Variants in GRAMD1A observed in about 807,000 individuals in gnomAD.
GRAMD1A encodes the protein protein Aster-A.
A neutral mutation model predicts 92.0 loss-of-function variants in GRAMD1A; 50 were observed. The ratio of observed to expected loss-of-function variants is 0.54; its 90% CI spans 0.43 to 0.69. GRAMD1A has a LOEUF of 0.69. GRAMD1A is among the 30% of genes least tolerant of loss of function. The pLI, the probability that GRAMD1A is intolerant of heterozygous loss-of-function variation, is 0.00. For synonymous variants in GRAMD1A, 405 were observed against 403.6 expected, an observed-to-expected ratio of 1.00 and a Z score of -0.04; for missense variants, 819 against 978.9, an observed-to-expected ratio of 0.84 and a Z score of 2.18.
Position 35,009,881 on chromosome 19 carries a change from TC to T in GRAMD1A, c.241-5del. ...CATCCAGGTTCTCACCTCTCAAACT[TC>T]CTCAGATGCTGAGCCCCACTTATAA... On this transcript the variant is annotated splice_region_variant and splice_polypyrimidine_tract_variant and intron_variant, in intron 3 of 19. Coordinates refer to ENST00000317991, the MANE Select transcript of GRAMD1A (RefSeq NM_020895.5). 1.9e-6 allele frequency: 3 copies of T among 1,587,660 alleles called. No homozygotes were observed. The highest frequency in any genetic ancestry group is 2.6e-6 in the Non-Finnish European group (3 of 1,155,946).
In GRAMD1A at chr19:35,021,826, A is replaced by G; in HGVS notation, c.1715A>G (p.Asp572Gly). 6.2e-7 allele frequency: 1 copy of G among 1,606,824 alleles called. No homozygotes were observed. The highest frequency in any genetic ancestry group is 2.2e-5 in the East Asian group (1 of 44,748). ...CACGGGGACGGGCCCCAGCACCCAG[A>G]TCCTGACCCCTGTGCCCGGGCCGGC... is the stretch of plus-strand genomic sequence containing the variant. ...RAHGDGPQHPDPDPCARAGIH... is the reference protein window; with the variant it reads ...RAHGDGPQHPGPDPCARAGIH... Residue 572 changes from aspartate (D) to glycine (G), a missense_variant, in exon 15 of 20, where the codon GAT becomes GGT. Asp to Gly is a moderately conservative substitution (Grantham distance 94). Coordinates refer to ENST00000317991, the MANE Select transcript of GRAMD1A (RefSeq NM_020895.5). The surrounding 1 kb of genome is among the most constrained non-coding windows in gnomAD (Gnocchi z 5.3).
chr19:35,012,327 T>TG (rs781754688), intron 7 of GRAMD1A, among the ~76,000 whole-genome samples: 2 of 152,176 alleles, frequency 1.3e-5, no homozygotes, highest in Admixed American at 6.5e-5. Context: ...AAAAGGATGA[T>TG]GAGGTTAGCA....
chr19:35,001,717 C>T (rs1299743717), intron 1 of GRAMD1A, among the ~76,000 whole-genome samples: 1 of 152,060 alleles, frequency 6.6e-6, no homozygotes, highest in Non-Finnish European at 1.5e-5. Flanking sequence ...AAGCAATTCT[C>T]CTGCCTCAGC....
In GRAMD1A at chr19:35,013,285, G is replaced by C. The variant is rs778466511; in HGVS notation, c.636G>C (p.Leu212=). 2.2e-5 allele frequency: 34 copies of C among 1,548,464 alleles called. No individual in the cohort carries two copies. The highest frequency in any genetic ancestry group is 2.8e-5 in the Non-Finnish European group (32 of 1,144,780). ...TGAGTCCCCGCGAGCTCTGGCACCT[G>C]GTGCATCAGTGCTACGGCTCAGAGC... ...KTLSPRELWH[L]VHQCYGSELG... is the part of the protein sequence containing the mutation. The change falls in exon 8 of 20, where the codon CTG becomes CTC. Residue 212 remains leucine (L), a synonymous_variant. Coordinates refer to ENST00000317991, the MANE Select transcript of GRAMD1A (RefSeq NM_020895.5). The surrounding 1 kb of genome is among the most constrained non-coding windows in gnomAD (Gnocchi z 4.9).
At position 35,015,808 on chromosome 19, in the gene GRAMD1A, TCTC is replaced by T; in HGVS notation, c.1070-12_1070-10del. The T allele has an allele frequency of 6.2e-7, 1 of 1,611,378 alleles. No individual in the cohort carries two copies. Among genetic ancestry groups the T allele is most frequent in the Non-Finnish European group, 8.5e-7 (1 of 1,178,668 alleles). ...AGTGGAGGCAGTCATCATCCTCGGC[TCTC>T]CTCTGTCTCCAGCGGACTTGGCTGC... On this transcript the variant is annotated splice_polypyrimidine_tract_variant and intron_variant, in intron 10 of 19. Coordinates refer to ENST00000317991, the MANE Select transcript of GRAMD1A (RefSeq NM_020895.5).
rs902876721 is a variant in GRAMD1A, at chr19:35,013,846, C to T, written c.870+155C>T. Among the ~76,000 whole-genome samples the T allele has an allele frequency of 3.3e-5, 5 of 151,762 alleles. No homozygotes were observed. Among genetic ancestry groups the T allele is most frequent in the African/African-American group, 7.3e-5 (3 of 41,264 alleles). The stretch of plus-strand genomic sequence containing the variant: ...GAGGAACAGGACAGGGAGGGGAAGA[C>T]GGACATGTGACAGGGAAAGAGAGAC... On this transcript the variant is annotated intron_variant, in intron 9 of 19. Transcript: ENST00000317991. This position sits in a 1 kb window ranked among gnomAD's most constrained non-coding sequence, Gnocchi z 4.9.
At chr19:35,018,467 C>A (rs1306955969) in intron 11 of GRAMD1A, among the ~76,000 whole-genome samples, 1 of 152,188 alleles carries the variant, frequency 6.6e-6, no homozygotes, top group Non-Finnish European at 1.5e-5. Context: ...TCTCACCAGG[C>A]CCTACCTCCG....
chr19:34,999,062 C>T (rs1218659525), upstream of GRAMD1A, among the ~76,000 whole-genome samples: 4 of 151,914 alleles, frequency 2.6e-5, no homozygotes, highest in Non-Finnish European at 5.9e-5. Flanking sequence ...TCAGGTGGTC[C>T]CAGGCTCTCT....
chr19:34,995,570 GGTTTTT>G (rs1257741707), upstream of GRAMD1A, among the ~76,000 whole-genome samples: 28 of 80,984 alleles, frequency 3.5e-4, no homozygotes, highest in African/African-American at 8.2e-4. Flanking sequence ...TCAGATCACG[GGTTTTT>G]TTTTTTTTTT....
upstream of GRAMD1A, chr19:35,000,276 A>C (rs2014242135): frequency 4.2e-5 from 43 of 1,017,700 alleles, no homozygotes; most frequent in East Asian, 1.0e-4. The surrounding 1 kb of genome is among the most constrained non-coding windows in gnomAD (Gnocchi z 4.9). Flanking sequence ...GGGCGGGGGA[A>C]GGAAGGGGGT....
chr19:35,014,694 A>G (rs1488532477), intron 10 of GRAMD1A: 3 of 430,068 alleles, frequency 7.0e-6, no homozygotes, highest in East Asian at 4.8e-5. Context: ...AATGGGGTTA[A>G]CAATGATAAT....
chr19:35,010,703 G>A, intron 6 of GRAMD1A: 1 of 543,160 alleles, frequency 1.8e-6, no homozygotes, highest in South Asian at 2.8e-5. Flanking sequence ...GTGGCCTCAT[G>A]TCCGTTGGTT....
chr19:35,019,704 T>C (rs562543691), intron 13 of GRAMD1A, among the ~76,000 whole-genome samples, 171 bp downstream of exon 13: 40 of 152,230 alleles, frequency 2.6e-4, no homozygotes, highest in Admixed American at 3.9e-4. Flanking sequence ...AGAGTGGCCC[T>C]GGGATGGCTC....
chr19:35,012,773 G>A (rs554564692), intron 7 of GRAMD1A, among the ~76,000 whole-genome samples: 3 of 152,316 alleles, frequency 2.0e-5, no homozygotes, highest in Admixed American at 6.5e-5. Flanking sequence ...TCAGGAGTTC[G>A]AGACCAGCCT....
Position 35,019,517 on chromosome 19 carries a change from A to T in GRAMD1A, c.1459A>T (p.Asn487Tyr). The T allele has an allele frequency of 1.9e-6, 3 of 1,613,984 alleles. No individual in the cohort carries two copies. The highest frequency in any genetic ancestry group is 2.5e-6 in the Non-Finnish European group (3 of 1,179,948). ...CTACTGCATCCTGGGTCTGGCCCGG[A>T]ACAAGGCGCGGCTCCGGTGAGTGGT... Reference protein sequence around the residue: ...HRYCILGLARNKARLRVSSEI... With the variant: ...HRYCILGLARYKARLRVSSEI... Residue 487 changes from asparagine (N) to tyrosine (Y), a missense_variant, in exon 13 of 20, where the codon AAC becomes TAC. By Grantham distance (143) the Asn-to-Tyr change is moderately radical. Transcript: ENST00000317991.
chr19:35,018,843 G>T (rs544227271), intron 11 of GRAMD1A, among the ~76,000 whole-genome samples: 73 of 152,198 alleles, frequency 4.8e-4, no homozygotes, highest in African/African-American at 1.7e-3. Context: ...CTGAGTGGGG[G>T]CCTGGGAGAT....
Position 35,023,431 on chromosome 19 carries a change from T to C in GRAMD1A, c.1966T>C (p.Phe656Leu), listed in dbSNP as rs781098278. ...TCAGGCCTGGCATCCCCACAGCAAGTTCCCCCAGACGGCCACAGAGTGGGC... is the reference window on the plus strand; with the variant it reads ...TCAGGCCTGGCATCCCCACAGCAAGCTCCCCCAGACGGCCACAGAGTGGGC... Reference protein sequence around the residue: ...WHSLALAKGKFPQTATEWAEI... With the variant: ...WHSLALAKGKLPQTATEWAEI... The change falls in exon 19 of 20, where the codon TTC becomes CTC. Residue 656 changes from phenylalanine (F) to leucine (L), a missense_variant. Phe to Leu is a conservative substitution (Grantham distance 22). Around this residue, in one of 3 missense-constraint regions of GRAMD1A, gnomAD observed 577 missense variants for 674.6 expected, o/e 0.86. Transcript: ENST00000317991. 11 of 1,594,592 alleles carry C rather than the reference T, an allele frequency of 6.9e-6. No individual in the cohort carries two copies. The highest frequency in any genetic ancestry group is 8.5e-6 in the Non-Finnish European group (10 of 1,169,748).
chr19:35,020,664 A>C (rs2015984262), intron 13 of GRAMD1A, among the ~76,000 whole-genome samples: 1 of 62,052 alleles, frequency 1.6e-5, no homozygotes, highest in Non-Finnish European at 3.6e-5. Flanking sequence ...GTCTCAAAAA[A>C]AAAAAAAAAA....
chr19:35,009,282 C>G lies in GRAMD1A; in HGVS notation c.172C>G (p.Pro58Ala), dbSNP rs2015046884. Residue 58 changes from proline to alanine, a missense_variant, in exon 2 of 20, where the codon CCC (proline) becomes GCC (alanine). Pro to Ala is a conservative substitution (Grantham distance 27). This residue lies in a region of GRAMD1A where 98 missense variants were observed against 84.0 expected (regional missense o/e 1.17). Transcript: ENST00000317991. The part of the protein sequence containing the change: ...SSEKGGVPGT[P>A]STQSLGSRNF... Reference sequence around the variant, plus strand: ...AGAGAAGGGTGGGGTGCCTGGGACCCCCAGCACCCAGAGCCTAGGCAGCCG... The same window carrying G: ...AGAGAAGGGTGGGGTGCCTGGGACCGCCAGCACCCAGAGCCTAGGCAGCCG... 1 of 1,614,134 alleles carries G rather than the reference C, an allele frequency of 6.2e-7. No homozygotes were observed. The highest frequency in any genetic ancestry group is 8.5e-7 in the Non-Finnish European group (1 of 1,179,976).
Sources: allele counts gnomAD v4.1 joint callset (sites outside exome capture counted in the v4.1 genomes callset), GRCh38; gene constraint gnomAD v4.1.1; regional missense constraint gnomAD v4.1.1; non-coding constraint Gnocchi (gnomAD v3.1); transcripts MANE v1.5; gene names NCBI Gene and HGNC (gene_info 2026-07-23, HGNC 2026-07-21).